Variants in LMBR1 observed in about 807,000 individuals in gnomAD.
LMBR1 encodes the protein limb region 1 protein homolog.
LMBR1 carries 52 observed loss-of-function variants against 73.9 expected under a neutral mutation model. The observed-to-expected ratio is 0.70, with a 90% confidence interval of 0.56 to 0.89. The LOEUF is 0.89. Among genes scored for constraint, LMBR1 ranks in the 40% least tolerant of loss-of-function variants. The probability of loss-of-function intolerance (pLI) is 0.00; values close to 1 mark genes in which losing one functional copy is unlikely to be tolerated. For missense variants in LMBR1, 539 were observed against 579.8 expected (o/e 0.93, Z 0.72); for synonymous variants, 215 against 209.4 (o/e 1.03, Z -0.23).
chr7:156,786,554 G>C (rs963767274), intron 5 of LMBR1, among the ~76,000 whole-genome samples: 1 of 152,100 alleles, frequency 6.6e-6, no homozygotes, highest in Non-Finnish European at 1.5e-5. Context: ...GGACAAAGTA[G>C]CCAAAATAGA....
intron 1 of LMBR1, among the ~76,000 whole-genome samples, chr7:156,877,958 A>G (rs1247304135): frequency 1.3e-5 from 2 of 152,166 alleles, no homozygotes; most frequent in Admixed American, 6.5e-5. Flanking sequence ...AAATCACATG[A>G]TCATCTAAAT....
chr7:156,839,047 C>CT (rs1164786244), intron 1 of LMBR1, among the ~76,000 whole-genome samples: 2,878 of 98,546 alleles, frequency 0.029, 83 homozygotes, highest in African/African-American at 0.05. Context: ...TAGTCCTTTG[C>CT]TTTTTTTTTT....
At chr7:156,772,229 G>A (rs988605781) in intron 5 of LMBR1, among the ~76,000 whole-genome samples, 2 of 152,018 alleles carry the variant, frequency 1.3e-5, no homozygotes. Context: ...AGCCAAGATC[G>A]TACCACTGCA....
chr7:156,691,348 C>G (rs1249629899), intron 15 of LMBR1, among the ~76,000 whole-genome samples: 1 of 152,132 alleles, frequency 6.6e-6, no homozygotes, highest in African/African-American at 2.4e-5. Flanking sequence ...TCATGACAAA[C>G]TGCACATCAC....
intron 15 of LMBR1, among the ~76,000 whole-genome samples, chr7:156,698,755 G>T (rs2132025273): frequency 6.6e-6 from 1 of 152,272 alleles, no homozygotes; most frequent in African/African-American, 2.4e-5. Context: ...GCCTGTGATG[G>T]GAGGGGCTGC....
intron 15 of LMBR1, among the ~76,000 whole-genome samples, chr7:156,708,689 G>C (rs1288160031): frequency 2.6e-5 from 4 of 152,208 alleles, no homozygotes; most frequent in Non-Finnish European, 4.4e-5. Context: ...TAGGGGGGCA[G>C]GGTGCAAATG....
At chr7:156,803,493 C>G (rs1260954576) in intron 4 of LMBR1, among the ~76,000 whole-genome samples, 1 of 152,084 alleles carries the variant, frequency 6.6e-6, no homozygotes, top group Non-Finnish European at 1.5e-5. Flanking sequence ...ATTAAAAAGT[C>G]AGGAAACAAC....
At position 156,684,172 on chromosome 7, in the gene LMBR1, A is replaced by G. The variant is rs1373155158; in HGVS notation, c.1388-9T>C. Reference sequence around the variant, plus strand: ...GTGAAGTTTATGAAGCCCTGCAAAAAAATTAAGAAAATGGTGAGAAATGAT... The same window carrying G: ...GTGAAGTTTATGAAGCCCTGCAAAAGAATTAAGAAAATGGTGAGAAATGAT... On this transcript the variant is annotated splice_polypyrimidine_tract_variant and intron_variant, in intron 16 of 16. Coordinates refer to ENST00000353442, the MANE Select transcript of LMBR1 (RefSeq NM_022458.4). The G allele has an allele frequency of 1.2e-6, 2 of 1,604,922 alleles. No individual in the cohort carries two copies. Among genetic ancestry groups the G allele is most frequent in the Non-Finnish European group, 1.7e-6 (2 of 1,171,632 alleles).
chr7:156,784,288 A>G (rs549132065), intron 5 of LMBR1, among the ~76,000 whole-genome samples: 12 of 152,238 alleles, frequency 7.9e-5, no homozygotes, highest in Admixed American at 1.3e-4. Flanking sequence ...TCATCTCCGT[A>G]TTTAAGAACT....
intron 15 of LMBR1, among the ~76,000 whole-genome samples, chr7:156,706,372 C>T (rs553329139): frequency 3.9e-5 from 6 of 151,992 alleles, no homozygotes; most frequent in Non-Finnish European, 8.8e-5. Flanking sequence ...AAAAAATCAG[C>T]AAAGAAACAC....
chr7:156,860,164 T>TA (rs1394010156), intron 1 of LMBR1, among the ~76,000 whole-genome samples: 1 of 152,158 alleles, frequency 6.6e-6, no homozygotes, highest in Non-Finnish European at 1.5e-5. Context: ...ACACTGCCGA[T>TA]AAAGACATAT....
intron 15 of LMBR1, among the ~76,000 whole-genome samples, chr7:156,707,551 A>G (rs1811224575): frequency 6.6e-6 from 1 of 152,218 alleles, no homozygotes; most frequent in Admixed American, 6.5e-5. Context: ...CCAGGAGTGT[A>G]AGGATGGTTC....
chr7:156,768,353 C>T (rs531185612), intron 5 of LMBR1, among the ~76,000 whole-genome samples: 20 of 151,378 alleles, frequency 1.3e-4, no homozygotes, highest in Admixed American at 2.0e-4. Flanking sequence ...CAGAGTGACT[C>T]GGTCTCAAAA....
intron 9 of LMBR1, among the ~76,000 whole-genome samples, chr7:156,745,942 C>A (rs147640307): frequency 6.6e-6 from 1 of 152,262 alleles, no homozygotes; most frequent in African/African-American, 2.4e-5. Context: ...AAAGCTAGTA[C>A]AGAAATATTC....
At chr7:156,803,210 A>T (rs1831330243) in intron 4 of LMBR1, among the ~76,000 whole-genome samples, 1 of 152,200 alleles carries the variant, frequency 6.6e-6, no homozygotes, top group African/African-American at 2.4e-5. Context: ...CAGAGTGAAC[A>T]GGCAACTTAC....
chr7:156,833,989 G>A (rs895339840), intron 2 of LMBR1, among the ~76,000 whole-genome samples, 197 bp from the exon 3 acceptor site: 12 of 152,072 alleles, frequency 7.9e-5, no homozygotes, highest in African/African-American at 2.9e-4. Flanking sequence ...TATAGAGAAT[G>A]GGATGTTTCA....
At chr7:156,857,246 T>C (rs928723332) in intron 1 of LMBR1, among the ~76,000 whole-genome samples, 7 of 152,204 alleles carry the variant, frequency 4.6e-5, no homozygotes, top group Admixed American at 6.5e-5. Flanking sequence ...CTATATGTTG[T>C]CTATAAAAAA....
In LMBR1 at chr7:156,670,082, T is replaced by C. The variant is rs1250040375; in HGVS notation, n.867-795A>G. On this transcript the variant is annotated intron_variant and non_coding_transcript_variant, in intron 4 of 4. Transcript: ENST00000430825. This position sits in a 1 kb window ranked among gnomAD's most constrained non-coding sequence, Gnocchi z 4.3. ...ATGTTATTCTAAGAAAAAATTAAATTATAAATTTTATGACTTTCACAGTGC... is the reference window on the plus strand; with the variant it reads ...ATGTTATTCTAAGAAAAAATTAAATCATAAATTTTATGACTTTCACAGTGC... Among the ~76,000 whole-genome samples, 1 of 152,254 alleles carries C rather than the reference T, an allele frequency of 6.6e-6. No homozygotes were observed. Among genetic ancestry groups the C allele is most frequent in the Non-Finnish European group, 1.5e-5 (1 of 68,048 alleles).
chr7:156,707,444 G>A (rs1226955899), intron 15 of LMBR1, among the ~76,000 whole-genome samples: 2 of 152,070 alleles, frequency 1.3e-5, no homozygotes, highest in Non-Finnish European at 1.5e-5. Flanking sequence ...CAATATCCCT[G>A]ATAAACACAG....
Sources: gnomAD v4.1 joint callset for allele counts (sites outside exome capture counted in the v4.1 genomes callset) on GRCh38, gnomAD v4.1.1 for gene constraint, Gnocchi (gnomAD v3.1) non-coding constraint, MANE v1.5 for transcripts, NCBI Gene and HGNC (gene_info 2026-07-23, HGNC 2026-07-21) for gene names.